KPNA6: variants seen among roughly 807,000 people sequenced by gnomAD.
KPNA6 encodes importin subunit alpha-7.
In KPNA6, 9 loss-of-function variants were observed where a neutral mutation model predicts 72.0. The ratio of observed to expected loss-of-function variants is 0.13; its 90% CI spans 0.08 to 0.22. The LOEUF (loss-of-function observed/expected upper bound fraction) is 0.22. Ranked by LOEUF, KPNA6 falls within the 10% of genes least tolerant of loss-of-function variation. The probability of loss-of-function intolerance (pLI) is 1.00; values close to 1 mark genes in which losing one functional copy is unlikely to be tolerated. For synonymous variants in KPNA6, 219 were observed against 242.1 expected (o/e 0.90, Z 0.89); for missense variants, 374 against 655.7 (o/e 0.57, Z 4.69).
chr1:32,173,278 TTAAGTCCCTGA>T lies in KPNA6; in HGVS notation c.*2387_*2397del. The T allele has an allele frequency of 2.5e-6, 1 of 393,548 alleles. No homozygotes were observed. The highest frequency in any genetic ancestry group is 4.5e-6 in the Non-Finnish European group (1 of 223,738). 24.4% of individuals were successfully genotyped at this position (393,548 alleles called of 1,614,324 possible). A position where few individuals can be genotyped will look rare whatever the true frequency, so the allele number is the denominator to read the frequency against. ...CTACTTTGTACATCTCAAGTAAGAG[TTAAGTCCCTGA>T]TACAGGGACCAGTTTCTTAGTGTAA... On this transcript the variant is annotated 3_prime_UTR_variant, in exon 14 of 14. Coordinates refer to ENST00000373625, the MANE Select transcript of KPNA6 (RefSeq NM_012316.5).
intron 1 of KPNA6, among the ~76,000 whole-genome samples, chr1:32,115,296 C>T (rs1429860738): frequency 3.3e-5 from 5 of 151,790 alleles, no homozygotes; most frequent in African/African-American, 1.2e-4. Context: ...CTACCACGCC[C>T]GGCTAATTTT....
chr1:32,133,744 A>G (rs1000949748), intron 1 of KPNA6, among the ~76,000 whole-genome samples: 2 of 152,200 alleles, frequency 1.3e-5, no homozygotes, highest in East Asian at 1.9e-4. Context: ...CAAGAATTCT[A>G]TATCTGGCCA....
chr1:32,142,995 C>T, intron 1 of KPNA6: 1 of 1,289,748 alleles, frequency 7.8e-7, no homozygotes, highest in Non-Finnish European at 1.0e-6. Flanking sequence ...CAGGACAGCC[C>T]AGGCTCAGTC....
chr1:32,124,846 T>C (rs538790535), intron 1 of KPNA6, among the ~76,000 whole-genome samples: 8 of 150,878 alleles, frequency 5.3e-5, no homozygotes, highest in Admixed American at 4.6e-4. Flanking sequence ...GTTTAACTTA[T>C]TTATTTATTT....
intron 9 of KPNA6, 109 bp from the exon 10 acceptor site, chr1:32,163,126 A>G (rs913442244): frequency 1.1e-5 from 8 of 702,526 alleles, no homozygotes; most frequent in Admixed American, 1.1e-4. Flanking sequence ...AAAAAGAAAA[A>G]AAAAGGGTAC....
chr1:32,166,268 A>G (rs758655056), intron 11 of KPNA6, 38 bp downstream of exon 11: 4 of 1,590,744 alleles, frequency 2.5e-6, no homozygotes, highest in South Asian at 2.3e-5. Context: ...ATGGGAAGTC[A>G]TAGGAACTTG....
chr1:32,111,705 C>G (rs1319710684), intron 1 of KPNA6, among the ~76,000 whole-genome samples: 9 of 152,194 alleles, frequency 5.9e-5, no homozygotes, highest in Non-Finnish European at 1.2e-4. Context: ...AGTACGGAAC[C>G]TGCCGTATTT....
intron 9 of KPNA6, 36 bp downstream of exon 9, chr1:32,162,560 G>C (rs765024486): frequency 6.2e-7 from 1 of 1,610,716 alleles, no homozygotes; most frequent in South Asian, 1.1e-5. Flanking sequence ...GTTCTGGCTG[G>C]GCACGGTGGC....
At chr1:32,137,398 C>T (rs1264645537) in intron 1 of KPNA6, among the ~76,000 whole-genome samples, 1 of 152,088 alleles carries the variant, frequency 6.6e-6, no homozygotes, top group Non-Finnish European at 1.5e-5. Flanking sequence ...GTCTCTAACT[C>T]CTGGGCTCAG....
At chr1:32,130,052 C>A (rs1641609655) in intron 1 of KPNA6, among the ~76,000 whole-genome samples, 1 of 152,046 alleles carries the variant, frequency 6.6e-6, no homozygotes, top group African/African-American at 2.4e-5. Context: ...AATGAGAATT[C>A]TATGTGAGTC....
At chr1:32,154,534 A>G in intron 1 of KPNA6, 54 bp from the exon 2 acceptor site, 1 of 1,587,890 alleles carries the variant, frequency 6.3e-7, no homozygotes, top group Non-Finnish European at 8.6e-7. Flanking sequence ...AGTCTAGTGA[A>G]AAGGAAATGC....
chr1:32,162,464 A>G lies in KPNA6; in HGVS notation c.851A>G (p.Asn284Ser), dbSNP rs771319209. The change falls in exon 9 of 14, where the codon AAT (asparagine) becomes AGT (serine). Residue 284 changes from asparagine to serine, a missense_variant. By Grantham distance (46) the Asn-to-Ser change is conservative. Around this residue, in one of 3 missense-constraint regions of KPNA6, gnomAD observed 298 missense variants for 495.4 expected, o/e 0.60. Transcript: ENST00000373625. ...WALSYLSDGP[N>S]EKIQAVIDSG... ...CTTTCTTATCTGTCTGATGGCCCCA[A>G]TGAGAAGATCCAGGCAGTCATAGAC... 8 of 1,614,126 alleles carry G rather than the reference A, an allele frequency of 5.0e-6. No individual in the cohort carries two copies. Among genetic ancestry groups the G allele is most frequent in the East Asian group, 2.2e-5 (1 of 44,884 alleles).
rs191951114 is a variant in KPNA6 at position 32,150,177 on chromosome 1, G to A, written c.5-4411G>A. Among the ~76,000 whole-genome samples, 772 of 135,930 alleles carry A rather than the reference G, an allele frequency of 5.7e-3. 3 individuals are homozygous for A. Among genetic ancestry groups the A allele is most frequent in the African/African-American group, 0.02 (710 of 36,282 alleles). The allele number at this position is 135,930 out of a possible 152,430, so 89.2% of individuals were successfully genotyped here. On this transcript the variant is annotated intron_variant, in intron 1 of 13. Transcript: ENST00000373625. ...AGACAGGGTCTTACTCTATTGCCCA[G>A]GCTGTAGTGCAGTAGCATGATCTTG...
chr1:32,130,691 T>C (rs1305014337), intron 1 of KPNA6, among the ~76,000 whole-genome samples: 2 of 150,690 alleles, frequency 1.3e-5, no homozygotes, highest in Admixed American at 1.3e-4. Flanking sequence ...GAGGCTGAGG[T>C]GGGTGAATCA....
chr1:32,129,241 C>T (rs774236950), intron 1 of KPNA6, among the ~76,000 whole-genome samples: 16 of 150,046 alleles, frequency 1.1e-4, no homozygotes, highest in Non-Finnish European at 2.4e-4. Flanking sequence ...CAGCTTACTG[C>T]AACCTCTACC....
At chr1:32,123,208 G>A (rs957018543) in intron 1 of KPNA6, among the ~76,000 whole-genome samples, 2 of 152,098 alleles carry the variant, frequency 1.3e-5, no homozygotes, top group African/African-American at 4.8e-5. Flanking sequence ...TTTCTGGGTT[G>A]AAAAACTTTG....
At chr1:32,135,641 T>TC (rs1456919593) in intron 1 of KPNA6, among the ~76,000 whole-genome samples, 4 of 151,642 alleles carry the variant, frequency 2.6e-5, no homozygotes, top group Non-Finnish European at 5.9e-5. Flanking sequence ...CCATTTTTTT[T>TC]TTTTTTTTTA....
At chr1:32,155,129 AAAAAG>A (rs1411428076) in intron 2 of KPNA6, among the ~76,000 whole-genome samples, 1 of 150,384 alleles carries the variant, frequency 6.6e-6, no homozygotes, top group Non-Finnish European at 1.5e-5. Flanking sequence ...AAAAAAAAAA[AAAAAG>A]AAAAGTAGCT....
At chr1:32,141,985 G>A (rs1348397171) in intron 1 of KPNA6, among the ~76,000 whole-genome samples, 1 of 152,130 alleles carries the variant, frequency 6.6e-6, no homozygotes, top group Non-Finnish European at 1.5e-5. Context: ...GTTGTCAGAA[G>A]AGGTCAGGTG....
Sources: gnomAD v4.1 joint callset for allele counts (sites outside exome capture counted in the v4.1 genomes callset) on GRCh38, gnomAD v4.1.1 for gene constraint, gnomAD v4.1.1 regional missense constraint, MANE v1.5 for transcripts, NCBI Gene and HGNC (gene_info 2026-07-23, HGNC 2026-07-21) for gene names.